The following ANKRD11 variants were observed in gnomAD, a reference collection of about 807,000 sequenced individuals.
The protein encoded by ANKRD11 is ankyrin repeat domain-containing protein 11.
In ANKRD11, 17 loss-of-function variants were observed where a neutral mutation model predicts 195.7. The ratio of observed to expected loss-of-function variants is 0.09; its 90% confidence interval spans 0.06 to 0.13. ANKRD11 has a LOEUF of 0.13. Ranked by LOEUF, ANKRD11 falls within the 10% of genes least tolerant of loss-of-function variation. The pLI, the probability that ANKRD11 is intolerant of heterozygous loss-of-function variation, is 1.00. For missense variants in ANKRD11, 3,735 were observed against 3,566.1 expected (o/e 1.05, Z -1.21); for synonymous variants, 1,953 against 1,528.1 (o/e 1.28, Z -6.49).
intron 11 of ANKRD11, chr16:89,271,668 C>T (rs558416574): frequency 6.5e-5 from 10 of 153,324 alleles, no homozygotes; most frequent in Admixed American, 3.9e-4. Context: ...CTTCCGTAAA[C>T]GGTGCTGGGA....
At chr16:89,426,566 C>CACACACACACAA (rs3219947) in intron 1 of ANKRD11, among the ~76,000 whole-genome samples, 1 of 151,296 alleles carries the variant, frequency 6.6e-6, no homozygotes, top group East Asian at 1.9e-4. Context: ...CACACACACA[C>CACACACACACAA]AAATCTGAAA....
At chr16:89,318,775 C>T (rs1484900823) in intron 2 of ANKRD11, among the ~76,000 whole-genome samples, 1 of 152,210 alleles carries the variant, frequency 6.6e-6, no homozygotes, top group African/African-American at 2.4e-5. Flanking sequence ...TACAAGAACA[C>T]AGGTGAAGTT....
chr16:89,424,632 C>A (rs370656592), intron 1 of ANKRD11, among the ~76,000 whole-genome samples: 1 of 151,976 alleles, frequency 6.6e-6, no homozygotes, highest in Non-Finnish European at 1.5e-5. Flanking sequence ...AAAGGCCAAT[C>A]GAAAAGGTTA....
intron 1 of ANKRD11, among the ~76,000 whole-genome samples, chr16:89,473,883 T>C (rs185617143): frequency 1.3e-5 from 2 of 152,330 alleles, no homozygotes; most frequent in Non-Finnish European, 2.9e-5. Context: ...GGCTTTCCCT[T>C]GACTGGGTTG....
intron 2 of ANKRD11, among the ~76,000 whole-genome samples, chr16:89,378,641 G>A (rs1167378778): frequency 6.6e-6 from 1 of 152,192 alleles, no homozygotes; most frequent in African/African-American, 2.4e-5. Context: ...CTTGTTTGAA[G>A]ACACTGGTGT....
intron 2 of ANKRD11, among the ~76,000 whole-genome samples, chr16:89,374,862 T>C (rs2040351464): frequency 6.6e-6 from 1 of 152,036 alleles, no homozygotes; most frequent in Non-Finnish European, 1.5e-5. Flanking sequence ...ACAAATACAC[T>C]GAAAAACTTA....
chr16:89,326,829 G>C (rs951504012), intron 2 of ANKRD11, among the ~76,000 whole-genome samples: 2 of 152,226 alleles, frequency 1.3e-5, no homozygotes, highest in African/African-American at 2.4e-5. Context: ...CATCTCCTAA[G>C]AAAGGGGCTT....
chr16:89,269,400 T>C (rs2032936208), intron 12 of ANKRD11, among the ~76,000 whole-genome samples: 1 of 152,156 alleles, frequency 6.6e-6, no homozygotes, highest in African/African-American at 2.4e-5. Context: ...AACATATATA[T>C]ATGTATGAAA....
At chr16:89,488,993 C>G (rs560146698) in intron 1 of ANKRD11, 1 of 152,120 alleles carries the variant, frequency 6.6e-6, no homozygotes, top group Non-Finnish European at 1.5e-5. Flanking sequence ...TTCATCTTCC[C>G]AAGCCTCTTC....
chr16:89,363,899 G>GA (rs371865748), intron 2 of ANKRD11, among the ~76,000 whole-genome samples: 90 of 149,342 alleles, frequency 6.0e-4, no homozygotes, highest in African/African-American at 2.0e-3. Flanking sequence ...CTACAAAAAA[G>GA]AAAAAAAAAA....
chr16:89,282,275 A>G lies in ANKRD11; in HGVS notation c.4267T>C (p.Phe1423Leu), dbSNP rs1203450045. The G allele has an allele frequency of 6.2e-7, 1 of 1,613,952 alleles. No individual in the cohort carries two copies. The highest frequency in any genetic ancestry group is 8.5e-7 in the Non-Finnish European group (1 of 1,179,984). The change falls in exon 9 of 13, where the codon TTT becomes CTT. Residue 1423 changes from phenylalanine (F) to leucine (L), a missense_variant. Transcript: ENST00000301030. ...TTTTTATCTTTCTTTTCGGTAGAAA[A>G]CAATTCAATGGTTTTATCTAGCTCA... is the stretch of plus-strand genomic sequence containing the variant. ...EDELDKTIEL[F>L]STEKKDKNDS...
chr16:89,404,749 C>G (rs955219958), intron 2 of ANKRD11, among the ~76,000 whole-genome samples: 7 of 152,272 alleles, frequency 4.6e-5, no homozygotes, highest in Non-Finnish European at 8.8e-5. Context: ...ACAGGCCCAG[C>G]TGGCCATGTG....
At chr16:89,340,028 C>T (rs1334204933) in intron 2 of ANKRD11, 1 of 152,200 alleles carries the variant, frequency 6.6e-6, no homozygotes, top group Non-Finnish European at 1.5e-5. Flanking sequence ...GTGCGCTCCT[C>T]GTTGTCTGAA....
Position 89,305,711 on chromosome 16 carries a change from G to A in ANKRD11, c.88-367C>T, listed in dbSNP as rs1434248788. Among the ~76,000 whole-genome samples, 464 of 118,580 alleles carry A rather than the reference G, an allele frequency of 3.9e-3. 6 individuals are homozygous for A. Among genetic ancestry groups the A allele is most frequent in the African/African-American group, 0.015 (437 of 28,246 alleles). The allele number at this position is 118,580 out of a possible 152,430, so 77.8% of individuals were successfully genotyped here. A position where few individuals can be genotyped will look rare whatever the true frequency, so the allele number is the denominator to read the frequency against. The stretch of plus-strand genomic sequence containing the variant: ...GCGCCACCTCCCACTCCGCAGACAC[G>A]CGCCACCTCCCACTCCGCAGACACG... On this transcript the variant is annotated intron_variant, in intron 3 of 12. Coordinates refer to ENST00000301030, the MANE Select transcript of ANKRD11 (RefSeq NM_013275.6).
intron 1 of ANKRD11, among the ~76,000 whole-genome samples, chr16:89,483,165 A>G (rs2057498884): frequency 6.6e-6 from 1 of 152,124 alleles, no homozygotes; most frequent in South Asian, 2.1e-4. Flanking sequence ...GAACCAATAT[A>G]TTTATGGGCT....
chr16:89,481,888 T>G (rs1238289772), intron 1 of ANKRD11, among the ~76,000 whole-genome samples: 1 of 152,056 alleles, frequency 6.6e-6, no homozygotes, highest in Admixed American at 6.6e-5. Flanking sequence ...TTCTACTGAT[T>G]CTTTTTTTAA....
chr16:89,486,903 G>T (rs2057633487), intron 1 of ANKRD11, among the ~76,000 whole-genome samples: 1 of 151,912 alleles, frequency 6.6e-6, no homozygotes, highest in Non-Finnish European at 1.5e-5. Flanking sequence ...CAGCTACTTG[G>T]GAGGCTGAGG....
chr16:89,278,661 G>C (rs553015746), intron 9 of ANKRD11: 1 of 467,546 alleles, frequency 2.1e-6, no homozygotes, highest in Non-Finnish European at 4.3e-6. Context: ...GAGGCTCAGG[G>C]AACCCACGCG....
intron 2 of ANKRD11, among the ~76,000 whole-genome samples, chr16:89,336,458 TGAA>T (rs746166454): frequency 2.6e-5 from 4 of 152,174 alleles, no homozygotes; most frequent in Non-Finnish European, 5.9e-5. Context: ...AGGTGAACAC[TGAA>T]GGAGGGGCCA....
Sources: gnomAD v4.1 joint callset for allele counts (sites outside exome capture counted in the v4.1 genomes callset) on GRCh38, gnomAD v4.1.1 for gene constraint, MANE v1.5 for transcripts, NCBI Gene and HGNC (gene_info 2026-07-23, HGNC 2026-07-21) for gene names.